Variants in LRRTM4 observed in about 807,000 individuals in gnomAD.
LRRTM4 encodes leucine rich repeat transmembrane neuronal 4.
LRRTM4 carries 25 observed loss-of-function variants against 47.6 expected under a neutral mutation model. That is an observed-to-expected ratio of 0.53 (90% CI 0.38 to 0.73). LRRTM4 has a LOEUF of 0.73. Among genes scored for constraint, LRRTM4 ranks in the 30% least tolerant of loss-of-function variants. LRRTM4 has a pLI of 0.00. For synonymous variants in LRRTM4, 311 were observed against 269.5 expected (o/e 1.15, Z -1.51); for missense variants, 638 against 713.4 (o/e 0.89, Z 1.20).
At position 77,490,611 on chromosome 2, in the gene LRRTM4, G is replaced by C. The variant is rs142304156; in HGVS notation, c.1551+27707C>G. The stretch of plus-strand genomic sequence containing the variant: ...TTTTCCCATGCTATCTTACCATAAA[G>C]TATCAAAAATAATAAAAAAAAACAG... On this transcript the variant is annotated intron_variant, in intron 3 of 3. Transcript: ENST00000409884. 4.7e-3 allele frequency among the ~76,000 whole-genome samples: 686 copies of C among 145,148 alleles called. 8 individuals carry two copies. The highest frequency in any genetic ancestry group is 0.017 in the African/African-American group (656 of 39,442).
chr2:76,902,319 T>C (rs1008884989), intron 3 of LRRTM4, among the ~76,000 whole-genome samples: 3 of 152,190 alleles, frequency 2.0e-5, no homozygotes, highest in African/African-American at 7.2e-5. Context: ...TTTTTATCTA[T>C]CTTTTTTTAA....
At chr2:76,949,313 T>C (rs1675425706) in intron 3 of LRRTM4, among the ~76,000 whole-genome samples, 1 of 151,816 alleles carries the variant, frequency 6.6e-6, no homozygotes, top group South Asian at 2.1e-4. Context: ...GGATGAAGTA[T>C]ATGAAGAAGT....
At chr2:77,112,189 G>A (rs1198438519) in intron 3 of LRRTM4, among the ~76,000 whole-genome samples, 1 of 152,168 alleles carries the variant, frequency 6.6e-6, no homozygotes, top group Non-Finnish European at 1.5e-5. Flanking sequence ...GATATCCAGA[G>A]GTCTGCAATG....
rs201201023 is a variant in LRRTM4, at chr2:77,067,433, C to CA, written c.1552-318518dup. Among the ~76,000 whole-genome samples the CA allele has an allele frequency of 2.8e-3, 424 of 151,546 alleles. 11 individuals carry two copies. In the South Asian group the frequency reaches 0.054, roughly 19 times the overall value. ...TCTAATTAGGATCATTGGGCACCTA[C>CA]AAAAAAAGGAGAGCCTCCACTCAGG... On this transcript the variant is annotated intron_variant, in intron 3 of 3. Transcript: ENST00000409884.
chr2:77,020,962 T>C (rs1056043088), intron 3 of LRRTM4, among the ~76,000 whole-genome samples: 8 of 152,138 alleles, frequency 5.3e-5, no homozygotes, highest in Non-Finnish European at 1.0e-4. Context: ...TGGGAGCTTC[T>C]ATTACTGTTA....
At chr2:77,307,444 G>T (rs1292260057) in intron 3 of LRRTM4, among the ~76,000 whole-genome samples, 2 of 148,926 alleles carry the variant, frequency 1.3e-5, no homozygotes, top group African/African-American at 4.9e-5. Context: ...ATTTGTGCTT[G>T]CTTCTGAAAT....
At chr2:76,946,520 C>T (rs1476397237) in intron 3 of LRRTM4, among the ~76,000 whole-genome samples, 1 of 151,636 alleles carries the variant, frequency 6.6e-6, no homozygotes. Flanking sequence ...AAAGGTCAGG[C>T]TTTTGGTGTT....
chr2:76,998,282 C>A (rs533668713), intron 3 of LRRTM4, among the ~76,000 whole-genome samples: 1 of 151,944 alleles, frequency 6.6e-6, no homozygotes, highest in African/African-American at 2.4e-5. Flanking sequence ...CAGTTTAATC[C>A]TTCCTATTTC....
chr2:77,137,096 T>A (rs1316550924), intron 3 of LRRTM4, among the ~76,000 whole-genome samples: 2 of 151,702 alleles, frequency 1.3e-5, no homozygotes, highest in African/African-American at 4.9e-5. Flanking sequence ...CCAAGGCAGG[T>A]CAACATTCAA....
At chr2:76,929,068 T>C (rs141621725) in intron 3 of LRRTM4, among the ~76,000 whole-genome samples, 100 of 152,274 alleles carry the variant, frequency 6.6e-4, no homozygotes, top group African/African-American at 2.3e-3. Flanking sequence ...GTTATCTTAC[T>C]ACAACATTAC....
chr2:77,413,325 G>A lies in LRRTM4; in HGVS notation c.1551+104993C>T, dbSNP rs555244257. 1.8e-4 allele frequency among the ~76,000 whole-genome samples: 28 copies of A among 152,258 alleles called. No individual in the cohort carries two copies. In the East Asian group the frequency reaches 5.4e-3, roughly 29 times the overall value. On this transcript the variant is annotated intron_variant, in intron 3 of 3. Transcript: ENST00000409884. ...AGGTCACTGAGATCCATGTCTCAGG[G>A]CCCTTTCCTCTGAGTGTCGGTTTCA...
intron 3 of LRRTM4, among the ~76,000 whole-genome samples, chr2:77,065,730 G>A (rs1276317851): frequency 6.6e-6 from 1 of 152,148 alleles, no homozygotes; most frequent in East Asian, 1.9e-4. Flanking sequence ...GTCCAAGCCA[G>A]GAGCCTTTGT....
At chr2:77,310,925 C>T (rs898166551) in intron 3 of LRRTM4, among the ~76,000 whole-genome samples, 1 of 151,802 alleles carries the variant, frequency 6.6e-6, no homozygotes, top group African/African-American at 2.4e-5. Flanking sequence ...TACACACATA[C>T]ACACACATAT....
At chr2:77,437,560 C>T (rs181549787) in intron 3 of LRRTM4, among the ~76,000 whole-genome samples, 11 of 151,968 alleles carry the variant, frequency 7.2e-5, no homozygotes, top group East Asian at 1.9e-4. Context: ...AAGTATACTT[C>T]GAGTAAGAAC....
intron 3 of LRRTM4, among the ~76,000 whole-genome samples, chr2:77,411,670 CTG>C (rs2103861081): frequency 8.5e-6 from 1 of 118,130 alleles, no homozygotes; most frequent in African/African-American, 3.4e-5. Context: ...CGGGTTTTCA[CTG>C]TGTTAGCCAG....
At chr2:77,060,275 CTGG>C (rs1263818606) in intron 3 of LRRTM4, among the ~76,000 whole-genome samples, 3 of 152,014 alleles carry the variant, frequency 2.0e-5, no homozygotes, top group Admixed American at 6.6e-5. Context: ...GAAAAATTTA[CTGG>C]TGATTTTTTG....
At chr2:77,194,661 G>A (rs1673763739) in intron 3 of LRRTM4, among the ~76,000 whole-genome samples, 1 of 152,090 alleles carries the variant, frequency 6.6e-6, no homozygotes, top group Non-Finnish European at 1.5e-5. Context: ...AAAAAAAGAT[G>A]TCTTTCTCTT....
intron 3 of LRRTM4, among the ~76,000 whole-genome samples, chr2:77,154,047 G>A (rs897000493): frequency 4.6e-5 from 7 of 152,180 alleles, no homozygotes; most frequent in Non-Finnish European, 1.0e-4. Context: ...TCAATTACTA[G>A]AAGTCTAATC....
At chr2:77,136,535 T>G (rs926371100) in intron 3 of LRRTM4, among the ~76,000 whole-genome samples, 1 of 152,140 alleles carries the variant, frequency 6.6e-6, no homozygotes, top group African/African-American at 2.4e-5. Context: ...AAAAAACAGA[T>G]CAGAAAAGCT....
Sources: allele counts gnomAD v4.1 joint callset (sites outside exome capture counted in the v4.1 genomes callset), GRCh38; gene constraint gnomAD v4.1.1; transcripts MANE v1.5; gene names NCBI Gene and HGNC (gene_info 2026-07-23, HGNC 2026-07-21).